Variants in ACER3 observed in about 807,000 individuals in gnomAD.
ACER3 encodes alkaline ceramidase 3.
Under a neutral mutation model 48.9 loss-of-function variants are expected in ACER3, and 16 were observed. The observed-to-expected ratio is 0.33, with a 90% CI of 0.22 to 0.50. The LOEUF is 0.50. Among genes scored for constraint, ACER3 ranks in the 20% least tolerant of loss-of-function variants. The pLI is 0.98. For missense variants in ACER3, 227 were observed against 326.0 expected (o/e 0.70, Z 2.34); for synonymous variants, 109 against 107.8 (o/e 1.01, Z -0.07).
chr11:76,955,683 A>T (rs1947821605), intron 2 of ACER3: 2 of 152,232 alleles, frequency 1.3e-5, no homozygotes, highest in South Asian at 4.1e-4. Context: ...ATCCAAACCT[A>T]ATTAACTCCC....
intron 3 of ACER3, among the ~76,000 whole-genome samples, chr11:76,974,963 T>G (rs962146432): frequency 3.8e-4 from 58 of 152,172 alleles, no homozygotes; most frequent in African/African-American, 1.2e-3. Context: ...AGACTCCGTC[T>G]CAAACAAACA....
intron 1 of ACER3, among the ~76,000 whole-genome samples, chr11:76,904,841 A>ATGTGTGTG (rs3047842): frequency 3.5e-4 from 51 of 147,510 alleles, no homozygotes; most frequent in African/African-American, 1.2e-3. Flanking sequence ...TTCTCTATGT[A>ATGTGTGTG]TGTGTGTGTG....
chr11:76,950,584 C>G (rs1397950567), intron 2 of ACER3, among the ~76,000 whole-genome samples: 1 of 151,196 alleles, frequency 6.6e-6, no homozygotes, highest in African/African-American at 2.4e-5. Flanking sequence ...ACCTCAGCCT[C>G]CCTTGTAGCT....
intron 1 of ACER3, among the ~76,000 whole-genome samples, chr11:76,874,525 T>C (rs551741357): frequency 1.3e-5 from 2 of 152,244 alleles, no homozygotes; most frequent in African/African-American, 2.4e-5. Context: ...CAAACACTTA[T>C]CTTGGTGTTG....
intron 1 of ACER3, among the ~76,000 whole-genome samples, chr11:76,896,598 A>G (rs932164307): frequency 2.0e-5 from 3 of 152,184 alleles, no homozygotes; most frequent in Non-Finnish European, 2.9e-5. Flanking sequence ...GAACTTTGCT[A>G]AAGACGACCC....
intron 1 of ACER3, among the ~76,000 whole-genome samples, chr11:76,893,836 G>A (rs1009379734): frequency 1.3e-5 from 2 of 152,110 alleles, no homozygotes; most frequent in African/African-American, 4.8e-5. Flanking sequence ...GAACTGAAAA[G>A]TTATTTGTTT....
At chr11:76,931,559 A>C (rs7933331) in intron 2 of ACER3, among the ~76,000 whole-genome samples, 41 of 152,272 alleles carry the variant, frequency 2.7e-4, no homozygotes, top group Non-Finnish European at 4.9e-4. Flanking sequence ...TCTTCCTAGC[A>C]TTGATGGTCT....
chr11:76,938,584 G>C (rs947669374), intron 2 of ACER3, among the ~76,000 whole-genome samples: 1 of 152,120 alleles, frequency 6.6e-6, no homozygotes, highest in African/African-American at 2.4e-5. Flanking sequence ...CTCCCAATGT[G>C]TTCAGATTAC....
chr11:76,884,910 T>A (rs887285739), intron 1 of ACER3, among the ~76,000 whole-genome samples: 4 of 151,998 alleles, frequency 2.6e-5, no homozygotes, highest in African/African-American at 9.7e-5. Context: ...ACTACAGGCA[T>A]GTGCCACCAT....
At chr11:76,891,974 C>G (rs543616005) in intron 1 of ACER3, among the ~76,000 whole-genome samples, 3 of 152,180 alleles carry the variant, frequency 2.0e-5, no homozygotes, top group Non-Finnish European at 2.9e-5. Context: ...TGTTTTCTTT[C>G]TTTTCCTTTG....
intron 2 of ACER3, among the ~76,000 whole-genome samples, chr11:76,933,447 G>T (rs1947073721): frequency 6.7e-6 from 1 of 148,858 alleles, no homozygotes; most frequent in Non-Finnish European, 1.5e-5. Context: ...CAGTGTTTGT[G>T]TCCCTGGGTA....
In ACER3 at chr11:76,943,760, C is replaced by A. The variant is rs551570871; in HGVS notation, c.215-15219C>A. ...GTGATGTGTTGAAGACCCCCCCCCC[C>A]ACTATTATCATATTGCTGTATACTT... On this transcript the variant is annotated intron_variant, in intron 2 of 10. Transcript: ENST00000532485. Among the ~76,000 whole-genome samples, 11 of 142,828 alleles carry A rather than the reference C, an allele frequency of 7.7e-5. No individual in the cohort carries two copies. In the East Asian group the frequency reaches 8.4e-4, roughly 11 times the overall value. The allele number at this position is 142,828 out of a possible 152,430, so 93.7% of individuals were successfully genotyped here.
intron 2 of ACER3, among the ~76,000 whole-genome samples, chr11:76,943,768 T>G (rs1272393361): frequency 2.0e-5 from 3 of 148,570 alleles, no homozygotes; most frequent in Non-Finnish European, 4.5e-5. Context: ...CCCACTATTA[T>G]CATATTGCTG....
chr11:76,875,107 C>CTTTTTTTTT lies in ACER3; in HGVS notation c.103+14046_103+14054dup, dbSNP rs10676364. On this transcript the variant is annotated intron_variant, in intron 1 of 10. Transcript: ENST00000532485. The stretch of plus-strand genomic sequence containing the variant: ...TTCTAACATGGCATGAAAAGCACTT[C>CTTTTTTTTT]TTTTTTTTTTTTTTTTTTTTTTTTT... Among the ~76,000 whole-genome samples, 478 of 78,114 alleles carry CTTTTTTTTT rather than the reference C, an allele frequency of 6.1e-3. 122 individuals carry two copies. The highest frequency in any genetic ancestry group is 8.8e-3 in the Non-Finnish European group (328 of 37,280). The allele number at this position is 78,114 out of a possible 152,430, so 51.2% of individuals were successfully genotyped here.
chr11:76,913,801 C>T (rs1946450478), intron 1 of ACER3, among the ~76,000 whole-genome samples: 1 of 152,152 alleles, frequency 6.6e-6, no homozygotes. Flanking sequence ...TCAAACTATA[C>T]TACAAGGCCA....
intron 2 of ACER3, among the ~76,000 whole-genome samples, chr11:76,954,563 T>G (rs7929468): frequency 0.32 from 48,526 of 150,642 alleles, 11,265 homozygotes; most frequent in African/African-American, 0.66. Context: ...TCCCCTTTTT[T>G]ATGTTTTTTT....
At chr11:76,964,520 G>A (rs1334458090) in intron 3 of ACER3, among the ~76,000 whole-genome samples, 1 of 151,128 alleles carries the variant, frequency 6.6e-6, no homozygotes, top group South Asian at 2.1e-4. Flanking sequence ...GCCTCCTCAA[G>A]TGGGTCCCTG....
chr11:76,984,910 C>T (rs1948657182), intron 4 of ACER3, among the ~76,000 whole-genome samples: 1 of 152,068 alleles, frequency 6.6e-6, no homozygotes, highest in African/African-American at 2.4e-5. Context: ...TTATGTGGAA[C>T]CCAATAGCAG....
intron 2 of ACER3, among the ~76,000 whole-genome samples, chr11:76,934,544 C>G (rs1468800488): frequency 6.6e-6 from 1 of 152,270 alleles, no homozygotes; most frequent in Non-Finnish European, 1.5e-5. Flanking sequence ...GAAAACCAGT[C>G]AGGCGTGGCG....
Sources: allele counts gnomAD v4.1 joint callset (sites outside exome capture counted in the v4.1 genomes callset), GRCh38; gene constraint gnomAD v4.1.1; transcripts MANE v1.5; gene names NCBI Gene and HGNC (gene_info 2026-07-23, HGNC 2026-07-21).